METAP1: variants seen among roughly 807,000 people sequenced by gnomAD.
METAP1 encodes the protein methionine aminopeptidase 1.
METAP1 carries 28 observed loss-of-function variants against 53.8 expected under a neutral mutation model. The ratio of observed to expected loss-of-function variants is 0.52; its 90% CI spans 0.39 to 0.71. The LOEUF is 0.71. Ranked by LOEUF, METAP1 falls within the 30% of genes least tolerant of loss-of-function variation. The pLI, the probability that METAP1 is intolerant of heterozygous loss-of-function variation, is 0.00. For synonymous variants in METAP1, 181 were observed against 165.7 expected, an observed-to-expected ratio of 1.09 and a Z score of -0.71; for missense variants, 389 against 479.8, an observed-to-expected ratio of 0.81 and a Z score of 1.77.
Position 99,062,212 on chromosome 4 carries a change from A to G in METAP1, c.*895A>G, listed in dbSNP as rs554723464. On this transcript the variant is annotated 3_prime_UTR_variant, in exon 11 of 11. Coordinates refer to ENST00000296411, the MANE Select transcript of METAP1 (RefSeq NM_015143.3). ...CTCAGAGAAGCGTGAAGTTTGCACT[A>G]TGGTGGAGGATGGGGAAAGAGTTCT... The G allele has an allele frequency of 6.6e-5, 10 of 152,332 alleles. No individual in the cohort carries two copies. The highest frequency in any genetic ancestry group is 1.2e-4 in the African/African-American group (5 of 41,578). 9.4% of individuals were successfully genotyped at this position (152,332 alleles called of 1,614,324 possible). A position where few individuals can be genotyped will look rare whatever the true frequency, so the allele number is the denominator to read the frequency against.
Position 99,034,248 on chromosome 4 carries a change from G to T in METAP1, c.185G>T (p.Arg62Leu), listed in dbSNP as rs1472091077. The T allele has an allele frequency of 1.9e-6, 3 of 1,549,750 alleles. No individual in the cohort carries two copies. Among genetic ancestry groups the T allele is most frequent in the South Asian group, 1.2e-5 (1 of 83,958 alleles). ...CTCCCAGAAGATGAAAAGGCGAAGC[G>T]AGAAGTGTCTTCCTGGACTGTGGAA... ...HKKAKDEKAK[R>L]EVSSWTVEGD... The change falls in exon 3 of 11, where the codon CGA (arginine) becomes CTA (leucine). Residue 62 changes from arginine to leucine, a missense_variant. Transcript: ENST00000296411.
intron 1 of METAP1, among the ~76,000 whole-genome samples, chr4:99,027,253 T>A (rs945398771): frequency 1.3e-5 from 2 of 152,186 alleles, no homozygotes; most frequent in African/African-American, 4.8e-5. Flanking sequence ...TTAGTGTGCA[T>A]GGGGAAGAAT....
rs1292539165 is a variant in METAP1, at chr4:99,034,334, T to C, written c.271T>C (p.Tyr91His). ...YRYTGKLRPH[Y>H]PLMPTRPVPS... ...ATATACTGGTAAACTCAGACCACAT[T>C]ATCCACTGGTGAGTAAATAAGGTAA... is the stretch of plus-strand genomic sequence containing the variant. Residue 91 changes from tyrosine to histidine, a missense_variant, in exon 3 of 11, where the codon TAT becomes CAT. Coordinates refer to ENST00000296411, the MANE Select transcript of METAP1 (RefSeq NM_015143.3). 6.7e-7 allele frequency: 1 copy of C among 1,497,114 alleles called. No homozygotes were observed. Among genetic ancestry groups the C allele is most frequent in the Non-Finnish European group, 9.1e-7 (1 of 1,097,790 alleles). The allele number at this position is 1,497,114 out of a possible 1,614,324, so 92.7% of individuals were successfully genotyped here.
At chr4:99,005,965 G>C (rs1043551879) in intron 1 of METAP1, 3 of 208,710 alleles carry the variant, frequency 1.4e-5, no homozygotes, top group Admixed American at 5.6e-5. Flanking sequence ...TACATATTTA[G>C]TACAATGTAC....
chr4:99,023,350 T>C (rs1462421903), intron 1 of METAP1: 2 of 840,548 alleles, frequency 2.4e-6, no homozygotes, highest in African/African-American at 1.8e-5. Flanking sequence ...ATTGAGCTAC[T>C]GGGTCAAAGT....
Position 99,061,311 on chromosome 4 carries a change from A to G in METAP1, c.1155A>G (p.Gln385=), listed in dbSNP as rs139041697. 1.9e-6 allele frequency: 3 copies of G among 1,612,476 alleles called. No homozygotes were observed. In the African/African-American group the frequency reaches 4.0e-5, roughly 22 times the overall value. ...GTGCACGGCCTCACTTCATGTCTCA[A>G]TTTTAATTTCTCCCAAGATGGCACA... ...LDSARPHFMS[Q]F The change falls in exon 11 of 11, where the codon CAA becomes CAG. Residue 385 remains glutamine (Q), a synonymous_variant. Transcript: ENST00000296411.
chr4:99,036,977 A>G (rs560262562), intron 4 of METAP1, among the ~76,000 whole-genome samples: 2 of 152,158 alleles, frequency 1.3e-5, no homozygotes, highest in South Asian at 4.1e-4. Context: ...TTTTCGCAGC[A>G]TAGTGTGTTA....
At chr4:99,032,561 A>G (rs1010737731) in intron 2 of METAP1, among the ~76,000 whole-genome samples, 5 of 152,186 alleles carry the variant, frequency 3.3e-5, no homozygotes, top group Non-Finnish European at 7.3e-5. Context: ...AAACTGTGGA[A>G]GGGTAAAATC....
At chr4:99,030,677 T>G (rs866517104) in intron 2 of METAP1, among the ~76,000 whole-genome samples, 10 of 152,080 alleles carry the variant, frequency 6.6e-5, no homozygotes, top group African/African-American at 2.4e-4. Flanking sequence ...AATGTTGCAC[T>G]AGGAAGGAAC....
intron 1 of METAP1, among the ~76,000 whole-genome samples, chr4:99,003,330 A>C (rs559675030): frequency 6.6e-6 from 1 of 152,390 alleles, no homozygotes; most frequent in South Asian, 2.1e-4. Context: ...CAATCTTTGC[A>C]TCACATTCTG....
intron 1 of METAP1, among the ~76,000 whole-genome samples, chr4:99,015,247 G>A (rs986138575): frequency 6.6e-6 from 1 of 152,042 alleles, no homozygotes; most frequent in Non-Finnish European, 1.5e-5. Flanking sequence ...TCATTTACTT[G>A]TACTACTGAT....
At chr4:99,000,694 T>C in intron 1 of METAP1, among the ~76,000 whole-genome samples, 1 of 150,684 alleles carries the variant, frequency 6.6e-6, no homozygotes, top group Non-Finnish European at 1.5e-5. Flanking sequence ...ACAGTTTTTC[T>C]TCTCTCTCTC....
At chr4:98,996,359 C>T (rs1446386753) in intron 1 of METAP1, among the ~76,000 whole-genome samples, 2 of 152,226 alleles carry the variant, frequency 1.3e-5, no homozygotes, top group African/African-American at 2.4e-5. Flanking sequence ...CTGAAGCTAC[C>T]TGCCGGGCTC....
intron 10 of METAP1, 119 bp downstream of exon 10, chr4:99,057,937 C>A (rs1046682692): frequency 2.0e-5 from 16 of 789,600 alleles, no homozygotes; most frequent in Non-Finnish European, 3.2e-5. Context: ...CTCCCTGTCC[C>A]ACCTCAAACT....
At chr4:99,016,238 G>A (rs1723759099) in intron 1 of METAP1, among the ~76,000 whole-genome samples, 1 of 152,338 alleles carries the variant, frequency 6.6e-6, no homozygotes, top group African/African-American at 2.4e-5. Flanking sequence ...ATCAGCTGAG[G>A]AATGTAAGTA....
chr4:99,031,689 C>G (rs1182984315), intron 2 of METAP1: 1 of 871,450 alleles, frequency 1.1e-6, no homozygotes, highest in South Asian at 1.4e-5. Flanking sequence ...TAATAATCAT[C>G]TCTGGAAGAC....
chr4:99,012,088 A>G (rs146827078), intron 1 of METAP1, among the ~76,000 whole-genome samples: 1 of 152,136 alleles, frequency 6.6e-6, no homozygotes, highest in African/African-American at 2.4e-5. Flanking sequence ...TTGGGTAAAG[A>G]TGGGGTCTTG....
intron 1 of METAP1, among the ~76,000 whole-genome samples, chr4:99,013,104 T>G (rs538876784): frequency 5.9e-5 from 9 of 152,344 alleles, no homozygotes; most frequent in African/African-American, 1.7e-4. Flanking sequence ...GACTTTTTCT[T>G]TGACACATTG....
chr4:99,034,384 T>A (rs7670154), intron 3 of METAP1, 42 bp downstream of exon 3: 1 of 1,186,308 alleles, frequency 8.4e-7, no homozygotes, highest in Admixed American at 2.0e-5. Context: ...CAATTTTGAA[T>A]TTTCCAAAAA....
Sources: gnomAD v4.1 joint callset for allele counts (sites outside exome capture counted in the v4.1 genomes callset) on GRCh38, gnomAD v4.1.1 for gene constraint, MANE v1.5 for transcripts, NCBI Gene and HGNC (gene_info 2026-07-23, HGNC 2026-07-21) for gene names.